Variants in MATN2 observed in about 807,000 individuals in gnomAD.
MATN2 encodes matrilin 2, also known as matrilin-2.
Under a neutral mutation model 103.2 loss-of-function variants are expected in MATN2, and 69 were observed. The ratio of observed to expected loss-of-function variants is 0.67; its 90% CI spans 0.55 to 0.82. The LOEUF (loss-of-function observed/expected upper bound fraction) is 0.82. Ranked by LOEUF, MATN2 falls within the 40% of genes least tolerant of loss-of-function variation. The pLI is 0.00. For missense variants in MATN2, 1,023 were observed against 1,211.5 expected, an observed-to-expected ratio of 0.84 and a Z score of 2.31; for synonymous variants, 429 against 450.2, an observed-to-expected ratio of 0.95 and a Z score of 0.60.
chr8:97,968,906 G>A (rs1202485214), intron 5 of MATN2, among the ~76,000 whole-genome samples: 1 of 152,174 alleles, frequency 6.6e-6, no homozygotes, highest in Non-Finnish European at 1.5e-5. Flanking sequence ...TCTGTGTTAG[G>A]CTGCTTGCAT....
At chr8:98,011,214 T>C (rs1430258068) in intron 10 of MATN2, among the ~76,000 whole-genome samples, 6 of 152,144 alleles carry the variant, frequency 3.9e-5, no homozygotes, top group Non-Finnish European at 8.8e-5. Flanking sequence ...CAGGTCAGGA[T>C]CCTGCCCTCA....
intron 5 of MATN2, among the ~76,000 whole-genome samples, chr8:97,968,617 C>T (rs1313923240): frequency 6.6e-6 from 1 of 152,224 alleles, no homozygotes; most frequent in Non-Finnish European, 1.5e-5. Context: ...CAGCTAAGAT[C>T]TTTGCTAAGG....
intron 4 of MATN2, among the ~76,000 whole-genome samples, chr8:97,949,233 G>A (rs577709718): frequency 6.7e-6 from 1 of 149,630 alleles, no homozygotes; most frequent in Non-Finnish European, 1.5e-5. Flanking sequence ...GCAGTGGCGT[G>A]ATCTCAGCTC....
chr8:97,998,483 C>G (rs1313272316), intron 7 of MATN2, among the ~76,000 whole-genome samples: 1 of 142,310 alleles, frequency 7.0e-6, no homozygotes, highest in Non-Finnish European at 1.5e-5. Context: ...GATCGTGCCA[C>G]TGCACTCCAG....
intron 7 of MATN2, among the ~76,000 whole-genome samples, chr8:97,996,239 A>G (rs1812583507): frequency 6.6e-6 from 1 of 152,168 alleles, no homozygotes; most frequent in Non-Finnish European, 1.5e-5. Flanking sequence ...CTTACCAACC[A>G]TCTGAGTCCC....
chr8:98,030,628 C>T lies in MATN2; in HGVS notation c.2509+14C>T, dbSNP rs753545436. 1.5e-5 allele frequency: 24 copies of T among 1,603,580 alleles called. No homozygotes were observed. The highest frequency in any genetic ancestry group is 6.7e-5 in the East Asian group (3 of 44,786). On this transcript the variant is annotated intron_variant, in intron 15 of 18. Coordinates refer to ENST00000254898, the MANE Select transcript of MATN2 (RefSeq NM_002380.5). ...GCATCTGTGAAGGTACTATAGCTTACGCCGAAGACCTTAGCAAACAAGGCA... is the reference window on the plus strand; with the variant it reads ...GCATCTGTGAAGGTACTATAGCTTATGCCGAAGACCTTAGCAAACAAGGCA...
At chr8:98,027,046 AC>A (rs369127732) in intron 13 of MATN2, among the ~76,000 whole-genome samples, 17 of 152,124 alleles carry the variant, frequency 1.1e-4, no homozygotes, top group African/African-American at 3.6e-4. Context: ...GGGTGATGTC[AC>A]CCTCCTAAAG....
At position 97,994,588 on chromosome 8, in the gene MATN2, A is replaced by T. The variant is rs529818748; in HGVS notation, c.1190A>T (p.Lys397Met). The T allele has an allele frequency of 3.3e-5, 54 of 1,612,750 alleles. 1 individual carries two copies. The South Asian group carries it at 5.6e-4, about 17-fold the overall frequency. Residue 397 changes from lysine (K) to methionine (M), a missense_variant, in exon 7 of 19, where the codon AAG (lysine) becomes ATG (methionine). By Grantham distance (95) the Lys-to-Met change is moderately conservative. Coordinates refer to ENST00000254898, the MANE Select transcript of MATN2 (RefSeq NM_002380.5). ...CLKGFTLNPD[K>M]KTCRRINYCA... is the part of the protein sequence containing the mutation. The stretch of plus-strand genomic sequence containing the variant: ...AAAGGCTTTACCCTGAATCCAGATA[A>T]GAAAACCTGCAGAAGTAAGTTACAG...
chr8:97,952,889 TA>T (rs1364495365), intron 4 of MATN2, among the ~76,000 whole-genome samples: 1 of 151,688 alleles, frequency 6.6e-6, no homozygotes, highest in East Asian at 1.9e-4. Flanking sequence ...TTTAGAACGT[TA>T]GGATCTAATA....
At chr8:98,026,231 T>C (rs1813800579) in intron 13 of MATN2, among the ~76,000 whole-genome samples, 1 of 149,112 alleles carries the variant, frequency 6.7e-6, no homozygotes, top group Non-Finnish European at 1.5e-5. Context: ...AAAGAATTTA[T>C]GGTGATAACT....
Position 98,007,132 on chromosome 8 carries a change from A to G in MATN2, c.1355A>G (p.His452Arg). ...SRVDHCAQQD[H>R]GCEQLCLNTE... is the part of the protein sequence containing the mutation. ...GTGGACCACTGTGCACAGCAGGACC[A>G]TGGCTGTGAGCAGCTGTGTCTGAAC... Residue 452 changes from histidine (H) to arginine (R), a missense_variant, in exon 9 of 19, where the codon CAT becomes CGT. Transcript: ENST00000254898. The surrounding 1 kb of genome is among the most constrained non-coding windows in gnomAD (Gnocchi z 4.2). 2 of 1,612,556 alleles carry G rather than the reference A, an allele frequency of 1.2e-6. No individual in the cohort carries two copies. Among genetic ancestry groups the G allele is most frequent in the Non-Finnish European group, 1.7e-6 (2 of 1,179,342 alleles).
At chr8:97,971,592 A>AT (rs1811656344) in intron 5 of MATN2, among the ~76,000 whole-genome samples, 1 of 152,068 alleles carries the variant, frequency 6.6e-6, no homozygotes, top group Non-Finnish European at 1.5e-5. Flanking sequence ...ATCCAAAACT[A>AT]TTTTTCAAAG....
intron 5 of MATN2, among the ~76,000 whole-genome samples, chr8:97,970,176 C>A (rs1470982962): frequency 6.6e-6 from 1 of 152,144 alleles, no homozygotes; most frequent in Non-Finnish European, 1.5e-5. Flanking sequence ...CAATTGCAGG[C>A]ACGTTAAGGG....
chr8:97,914,688 C>G (rs758766845), intron 2 of MATN2, among the ~76,000 whole-genome samples: 1 of 152,044 alleles, frequency 6.6e-6, no homozygotes, highest in Non-Finnish European at 1.5e-5. Context: ...AGGCACATGC[C>G]GTCCACCCAC....
At chr8:97,964,185 T>C (rs1029945866) in intron 5 of MATN2, among the ~76,000 whole-genome samples, 2 of 152,098 alleles carry the variant, frequency 1.3e-5, no homozygotes, top group African/African-American at 4.8e-5. Flanking sequence ...AGAGAGAGAC[T>C]GTTACAGTGA....
chr8:98,026,023 C>T (rs1813786383), intron 13 of MATN2, among the ~76,000 whole-genome samples: 1 of 147,940 alleles, frequency 6.8e-6, no homozygotes, highest in Admixed American at 6.7e-5. Flanking sequence ...ACTAAAAATA[C>T]AAAAAACTAG....
chr8:97,981,982 G>A (rs552812968), intron 6 of MATN2, among the ~76,000 whole-genome samples: 3 of 152,344 alleles, frequency 2.0e-5, no homozygotes, highest in African/African-American at 7.2e-5. Context: ...GCTAGGCAGC[G>A]AGCCCAGCAG....
intron 5 of MATN2, among the ~76,000 whole-genome samples, chr8:97,972,140 C>G (rs1010238019): frequency 2.0e-5 from 3 of 151,364 alleles, no homozygotes; most frequent in Non-Finnish European, 4.4e-5. Context: ...TGTGCCACCA[C>G]CCCCAGCTAA....
chr8:97,936,430 G>A (rs1036650973), intron 3 of MATN2, among the ~76,000 whole-genome samples: 7 of 152,060 alleles, frequency 4.6e-5, no homozygotes, highest in African/African-American at 1.7e-4. Context: ...ACTGGCCTGG[G>A]CAGTCTACAC....
Sources: gnomAD v4.1 joint callset for allele counts (sites outside exome capture counted in the v4.1 genomes callset) on GRCh38, gnomAD v4.1.1 for gene constraint, Gnocchi (gnomAD v3.1) non-coding constraint, MANE v1.5 for transcripts, NCBI Gene and HGNC (gene_info 2026-07-23, HGNC 2026-07-21) for gene names.